CNGB1: variants seen among roughly 807,000 people sequenced by gnomAD.
The protein encoded by CNGB1 is cyclic nucleotide gated channel subunit beta 1.
Under a neutral mutation model 151.7 loss-of-function variants are expected in CNGB1, and 126 were observed. The ratio of observed to expected loss-of-function variants is 0.83; its 90% CI spans 0.72 to 0.96. CNGB1 has a LOEUF of 0.96. Ranked by LOEUF, CNGB1 falls within the 40% of genes least tolerant of loss-of-function variation. The pLI, the probability that CNGB1 is intolerant of heterozygous loss-of-function variation, is 0.00. For synonymous variants in CNGB1, 623 were observed against 635.1 expected (o/e 0.98, Z 0.29); for missense variants, 1,698 against 1,627.0 (o/e 1.04, Z -0.75).
At chr16:57,934,158 T>C (rs571880114) in intron 16 of CNGB1, among the ~76,000 whole-genome samples, 1 of 152,134 alleles carries the variant, frequency 6.6e-6, no homozygotes, top group East Asian at 1.9e-4. Context: ...GAGAAGTTGT[T>C]AAAAATGTAA....
At chr16:57,953,022 C>G (rs1293102143) in intron 12 of CNGB1, among the ~76,000 whole-genome samples, 2 of 152,176 alleles carry the variant, frequency 1.3e-5, no homozygotes, top group African/African-American at 2.4e-5. Context: ...AACTGCCCCT[C>G]TCTACAGGCA....
rs1007634818 is a variant in CNGB1 at position 57,918,304 on chromosome 16, A to G, written c.1957+795T>C. 2.0e-5 allele frequency among the ~76,000 whole-genome samples: 3 copies of G among 152,138 alleles called. No homozygotes were observed. The East Asian group carries it at 5.8e-4, about 29-fold the overall frequency. On this transcript the variant is annotated intron_variant, in intron 20 of 32. Coordinates refer to ENST00000251102, the MANE Select transcript of CNGB1 (RefSeq NM_001297.5). The stretch of plus-strand genomic sequence containing the variant: ...AGGTTATTTAAAGAATCCAGTGGAC[A>G]CCAGGGTTGAAGTCCTGCCCCCCAA...
At chr16:57,924,813 G>A (rs1251711519) in intron 17 of CNGB1, among the ~76,000 whole-genome samples, 1 of 152,002 alleles carries the variant, frequency 6.6e-6, no homozygotes. Context: ...AAATCTGATT[G>A]TTTAAAACTG....
chr16:57,968,936 C>T (rs1328500072), intron 1 of CNGB1, among the ~76,000 whole-genome samples: 3 of 148,708 alleles, frequency 2.0e-5, no homozygotes, highest in South Asian at 2.1e-4. Context: ...GAGGCTGAGG[C>T]AAGGGGTCGA....
chr16:57,897,451 T>C lies in CNGB1; in HGVS notation c.3188A>G (p.Asn1063Ser). Reference sequence around the variant, plus strand: ...CTCAGGATAATGCACCAAAATCTCATTCAGGTCCTTCTTATCCAGGATGAA... The same window carrying C: ...CTCAGGATAATGCACCAAAATCTCACTCAGGTCCTTCTTATCCAGGATGAA... ...NLFILDKKDL[N>S]EILVHYPESQ... Residue 1063 changes from asparagine to serine, a missense_variant, in exon 31 of 33, where the codon AAT becomes AGT. Physicochemically the swap from Asn to Ser is conservative, Grantham distance 46 (BLOSUM62 1). Coordinates refer to ENST00000251102, the MANE Select transcript of CNGB1 (RefSeq NM_001297.5). 1 of 1,614,192 alleles carries C rather than the reference T, an allele frequency of 6.2e-7. No individual in the cohort carries two copies. Among genetic ancestry groups the C allele is most frequent in the Non-Finnish European group, 8.5e-7 (1 of 1,180,038 alleles).
In CNGB1 at chr16:57,897,901, C is replaced by T. The variant is rs199552115; in HGVS notation, c.2990G>A (p.Arg997His). 540 of 1,614,060 alleles carry T rather than the reference C, an allele frequency of 3.3e-4. No homozygotes were observed. Among genetic ancestry groups the T allele is most frequent in the Non-Finnish European group, 4.2e-4 (492 of 1,180,010 alleles). Reference sequence around the variant, plus strand: ...CCCTGCCTGGATGATGTACATCTCACGGCCGATCTCCCCCTGAAACAAAGA... The same window carrying T: ...CCCTGCCTGGATGATGTACATCTCATGGCCGATCTCCCCCTGAAACAAAGA... ...DYVCKKGEIG[R>H]EMYIIQAGQV... Residue 997 changes from arginine (R) to histidine (H), a missense_variant, in exon 30 of 33, where the codon CGT becomes CAT. Physicochemically the swap from Arg to His is conservative, Grantham distance 29. Coordinates refer to ENST00000251102, the MANE Select transcript of CNGB1 (RefSeq NM_001297.5).
At chr16:57,951,116 A>G (rs1305397458) in intron 12 of CNGB1, among the ~76,000 whole-genome samples, 3 of 152,068 alleles carry the variant, frequency 2.0e-5, no homozygotes, top group African/African-American at 7.2e-5. Flanking sequence ...GGTGGTCCCA[A>G]TTTCAGATGG....
chr16:57,962,722 G>C, intron 6 of CNGB1, 112 bp from the exon 7 acceptor site: 5 of 1,567,032 alleles, frequency 3.2e-6, no homozygotes, highest in Non-Finnish European at 4.4e-6. Context: ...GTTCAAAGCA[G>C]GGTCAGTCAG....
intron 7 of CNGB1, among the ~76,000 whole-genome samples, chr16:57,961,657 AAT>A (rs1962259594): frequency 4.6e-5 from 7 of 152,132 alleles, no homozygotes; most frequent in Non-Finnish European, 1.0e-4. Flanking sequence ...TGAATGAATG[AAT>A]GAATGAATGA....
At chr16:57,947,040 T>C (rs565872530) in intron 14 of CNGB1, among the ~76,000 whole-genome samples, 3 of 152,350 alleles carry the variant, frequency 2.0e-5, no homozygotes, top group African/African-American at 7.2e-5. Flanking sequence ...CTGCCTGTGC[T>C]TGTGCATATA....
In CNGB1 at chr16:57,884,129, G is replaced by A; in HGVS notation, c.*35C>T. ...CGCAGCGGGCGCTGGGGACACACCT[G>A]CTGGAACTGCGCGCGGGATCCGCCT... On this transcript the variant is annotated 3_prime_UTR_variant, in exon 33 of 33. Coordinates refer to ENST00000251102, the MANE Select transcript of CNGB1 (RefSeq NM_001297.5). The A allele has an allele frequency of 1.2e-6, 2 of 1,613,804 alleles. No individual in the cohort carries two copies. Among genetic ancestry groups the A allele is most frequent in the South Asian group, 2.2e-5 (2 of 91,080 alleles).
intron 23 of CNGB1, 92 bp downstream of exon 23, chr16:57,915,157 C>T (rs1960827885): frequency 9.9e-7 from 1 of 1,012,354 alleles, no homozygotes; most frequent in African/African-American, 1.6e-5. Context: ...ACTCCCCTCC[C>T]CAGTGCTGCT....
At chr16:57,964,446 C>A in intron 3 of CNGB1, 41 bp downstream of exon 3, 1 of 1,611,072 alleles carries the variant, frequency 6.2e-7, no homozygotes, top group Non-Finnish European at 8.5e-7. Flanking sequence ...GAATGCGGGC[C>A]CCCCTGCCAT....
At chr16:57,934,817 C>T (rs2149373751) in intron 16 of CNGB1, among the ~76,000 whole-genome samples, 1 of 152,192 alleles carries the variant, frequency 6.6e-6, no homozygotes, top group Non-Finnish European at 1.5e-5. Flanking sequence ...ATTCCCCAGG[C>T]CTGGTGGCAT....
chr16:57,921,596 T>G (rs535997584), intron 18 of CNGB1, among the ~76,000 whole-genome samples: 2 of 152,158 alleles, frequency 1.3e-5, no homozygotes, highest in South Asian at 4.2e-4. Context: ...ACTCATTCTC[T>G]CCTGTGGTGC....
chr16:57,963,814 T>G (rs1962322645), intron 4 of CNGB1: 2 of 418,788 alleles, frequency 4.8e-6, no homozygotes, highest in Non-Finnish European at 8.8e-6. Context: ...GCTAACAGTC[T>G]AATGAATGAA....
Position 57,903,913 on chromosome 16 carries a change from C to T in CNGB1, c.2703G>A (p.Val901=), listed in dbSNP as rs1567369349. 6.2e-7 allele frequency: 1 copy of T among 1,614,190 alleles called. No individual in the cohort carries two copies. The highest frequency in any genetic ancestry group is 2.2e-5 in the East Asian group (1 of 44,878). ...TYYRSCMDST[V]KYMNFYKIPK... Reference sequence around the variant, plus strand: ...GGATCTTGTAGAAATTCATGTACTTCACCGTGCTGTCCATGCAGCTGCGGT... The same window carrying T: ...GGATCTTGTAGAAATTCATGTACTTTACCGTGCTGTCCATGCAGCTGCGGT... The change falls in exon 27 of 33, where the codon GTG becomes GTA. Residue 901 remains valine (V), a synonymous_variant. Transcript: ENST00000251102.
In CNGB1 at chr16:57,897,390, T is replaced by TA. The variant is rs760310888; in HGVS notation, c.3242+6dup. ...ATTTTTTATTAAACGAAAGAAAAGTTACATACCTGGCTTTCTTCCGGAGTA... is the reference window on the plus strand; with the variant it reads ...ATTTTTTATTAAACGAAAGAAAAGTTAACATACCTGGCTTTCTTCCGGAGTA... On this transcript the variant is annotated splice_region_variant and intron_variant, in intron 31 of 32. Transcript: ENST00000251102. The TA allele has an allele frequency of 6.2e-7, 1 of 1,614,158 alleles. No homozygotes were observed. Among genetic ancestry groups the TA allele is most frequent in the Admixed American group, 1.7e-5 (1 of 60,010 alleles).
At chr16:57,963,850 G>T in intron 4 of CNGB1, 1 of 523,910 alleles carries the variant, frequency 1.9e-6, no homozygotes, top group Non-Finnish European at 3.4e-6. Flanking sequence ...TCTAATGAAT[G>T]AATGAGTGAA....
Sources: allele counts gnomAD v4.1 joint callset (sites outside exome capture counted in the v4.1 genomes callset), GRCh38; gene constraint gnomAD v4.1.1; transcripts MANE v1.5; gene names NCBI Gene and HGNC (gene_info 2026-07-23, HGNC 2026-07-21).